SH3PXD2A: variants seen among roughly 807,000 people sequenced by gnomAD.
The protein encoded by SH3PXD2A is SH3 and PX domains 2A.
A neutral mutation model predicts 115.2 loss-of-function variants in SH3PXD2A; 32 were observed. The observed-to-expected ratio is 0.28, with a 90% CI of 0.21 to 0.37. The LOEUF (loss-of-function observed/expected upper bound fraction) is 0.37. Ranked by LOEUF, SH3PXD2A falls within the 10% of genes least tolerant of loss-of-function variation. SH3PXD2A has a pLI of 1.00. For synonymous variants in SH3PXD2A, 610 were observed against 629.1 expected (o/e 0.97, Z 0.45); for missense variants, 1,328 against 1,498.7 (o/e 0.89, Z 1.88).
At chr10:103,782,819 C>T (rs2038943593) in intron 2 of SH3PXD2A, among the ~76,000 whole-genome samples, 2 of 115,754 alleles carry the variant, frequency 1.7e-5, no homozygotes, top group Non-Finnish European at 3.3e-5. Context: ...TGGGAGACTC[C>T]ATCTCTCCAA....
intron 8 of SH3PXD2A, 39 bp downstream of exon 8, chr10:103,660,944 C>T (rs761976897): frequency 7.4e-6 from 12 of 1,610,770 alleles, no homozygotes; most frequent in Non-Finnish European, 1.0e-5. Context: ...GGGGGCCAGA[C>T]CGGAACCCCA....
At chr10:103,786,964 C>CGCTGGG (rs774812525) in intron 2 of SH3PXD2A, among the ~76,000 whole-genome samples, 2 of 152,212 alleles carry the variant, frequency 1.3e-5, no homozygotes, top group Non-Finnish European at 2.9e-5. Context: ...AGCCCTTGGC[C>CGCTGGG]GCTGGGACTG....
At chr10:103,656,229 G>T (rs535280590) in intron 8 of SH3PXD2A, among the ~76,000 whole-genome samples, 1 of 152,234 alleles carries the variant, frequency 6.6e-6, no homozygotes, top group Non-Finnish European at 1.5e-5. Flanking sequence ...CTCTGCTGAA[G>T]AGGTTGGTTA....
At chr10:103,663,293 C>G (rs536448545) in intron 7 of SH3PXD2A, among the ~76,000 whole-genome samples, 165 of 152,346 alleles carry the variant, frequency 1.1e-3, no homozygotes, top group Non-Finnish European at 1.9e-3. Flanking sequence ...CGCCCCATTT[C>G]ATGCCCACAA....
At chr10:103,851,720 G>C (rs1238557435) in intron 1 of SH3PXD2A, among the ~76,000 whole-genome samples, 10 of 152,196 alleles carry the variant, frequency 6.6e-5, no homozygotes. Context: ...CGAGTGTTAA[G>C]TATGTTTCAC....
intron 12 of SH3PXD2A, 33 bp downstream of exon 12, chr10:103,612,820 C>T: frequency 6.9e-7 from 1 of 1,454,022 alleles, no homozygotes; most frequent in South Asian, 1.4e-5. Context: ...AGGAGCTTTG[C>T]AGTGAGGACC....
At chr10:103,728,923 C>G (rs867670144) in intron 4 of SH3PXD2A, among the ~76,000 whole-genome samples, 3 of 137,024 alleles carry the variant, frequency 2.2e-5, no homozygotes, top group Non-Finnish European at 4.6e-5. Context: ...GACAAAGTCT[C>G]ACTCTGTCAC....
At chr10:103,606,177 T>TATCATCATC (rs56654395) in intron 13 of SH3PXD2A, among the ~76,000 whole-genome samples, 53 of 142,826 alleles carry the variant, frequency 3.7e-4, no homozygotes, top group African/African-American at 8.1e-4. Flanking sequence ...TTACTATTAC[T>TATCATCATC]ATCATCATCA....
intron 8 of SH3PXD2A, among the ~76,000 whole-genome samples, chr10:103,629,643 G>T (rs2036748896): frequency 6.6e-6 from 1 of 152,218 alleles, no homozygotes; most frequent in African/African-American, 2.4e-5. Context: ...ATAAACAAGA[G>T]GCGCCATTCC....
intron 8 of SH3PXD2A, among the ~76,000 whole-genome samples, chr10:103,656,167 G>A (rs893498582): frequency 1.3e-5 from 2 of 152,230 alleles, no homozygotes; most frequent in African/African-American, 2.4e-5. Context: ...TAAAATGGCT[G>A]TAGCCACCAT....
chr10:103,750,963 G>A (rs2038571006), intron 3 of SH3PXD2A, among the ~76,000 whole-genome samples: 1 of 152,186 alleles, frequency 6.6e-6, no homozygotes, highest in African/African-American at 2.4e-5. Context: ...CACGCAGAGA[G>A]GCTGGCACTG....
At chr10:103,820,786 C>G (rs985970864) in intron 1 of SH3PXD2A, among the ~76,000 whole-genome samples, 2 of 152,182 alleles carry the variant, frequency 1.3e-5, no homozygotes, top group Non-Finnish European at 1.5e-5. Flanking sequence ...CAACTGGGCT[C>G]CAGAGGGTGG....
intron 3 of SH3PXD2A, among the ~76,000 whole-genome samples, chr10:103,758,421 T>G (rs10466138): frequency 6.6e-6 from 1 of 151,948 alleles, no homozygotes; most frequent in Non-Finnish European, 1.5e-5. Context: ...CCACATGACC[T>G]GGTTATTTTT....
chr10:103,702,612 T>TGTGTGTGTGC (rs1491200444), intron 5 of SH3PXD2A, among the ~76,000 whole-genome samples: 1 of 151,474 alleles, frequency 6.6e-6, no homozygotes, highest in East Asian at 1.9e-4. Context: ...TGTGTGTGTG[T>TGTGTGTGTGC]GCATGCTGGG....
At position 103,831,998 on chromosome 10, in the gene SH3PXD2A, C is replaced by T. The variant is rs1174567414; in HGVS notation, c.72+23197G>A. Reference sequence around the variant, plus strand: ...TGCAGGATGAATCAGCACTTCATTCCATTTTTATGGCAGAATTATATTTCA... The same window carrying T: ...TGCAGGATGAATCAGCACTTCATTCTATTTTTATGGCAGAATTATATTTCA... On this transcript the variant is annotated intron_variant, in intron 1 of 14. Coordinates refer to ENST00000369774, the MANE Select transcript of SH3PXD2A (RefSeq NM_001394015.1). Among the ~76,000 whole-genome samples the T allele has an allele frequency of 1.2e-4, 19 of 152,274 alleles. 1 individual carries two copies. The East Asian group carries it at 2.1e-3, about 17-fold the overall frequency.
At chr10:103,750,825 C>T (rs1462547578) in intron 3 of SH3PXD2A, among the ~76,000 whole-genome samples, 2 of 152,154 alleles carry the variant, frequency 1.3e-5, no homozygotes, top group Non-Finnish European at 2.9e-5. Context: ...CTGTATATAG[C>T]AAAATGCGAC....
chr10:103,817,051 T>C (rs1034361878), intron 1 of SH3PXD2A, among the ~76,000 whole-genome samples: 12 of 145,054 alleles, frequency 8.3e-5, no homozygotes, highest in Admixed American at 5.7e-4. Flanking sequence ...GGTTTCACCA[T>C]GTTGGCCAGA....
intron 2 of SH3PXD2A, among the ~76,000 whole-genome samples, chr10:103,799,066 C>G (rs2039122354): frequency 6.6e-6 from 1 of 152,210 alleles, no homozygotes; most frequent in Non-Finnish European, 1.5e-5. Context: ...ATGAGAAAAG[C>G]AAGCCTAGAG....
At position 103,608,430 on chromosome 10, in the gene SH3PXD2A, G is replaced by GAAA. The variant is rs953168200; in HGVS notation, c.1309-2516_1309-2514dup. ...AAATAAAGACACCATTCCATGTCAA[G>GAAA]AAAAAAAAAAAAAAAAAAAAGAAAA... is the stretch of plus-strand genomic sequence containing the variant. On this transcript the variant is annotated intron_variant, in intron 13 of 14. Coordinates refer to ENST00000369774, the MANE Select transcript of SH3PXD2A (RefSeq NM_001394015.1). Among the ~76,000 whole-genome samples, 72 of 85,302 alleles carry GAAA rather than the reference G, an allele frequency of 8.4e-4. 1 individual carries two copies. The highest frequency in any genetic ancestry group is 1.4e-3 in the Non-Finnish European group (58 of 41,116). 56.0% of individuals were successfully genotyped at this position (85,302 alleles called of 152,430 possible).
Sources: allele counts gnomAD v4.1 joint callset (sites outside exome capture counted in the v4.1 genomes callset), GRCh38; gene constraint gnomAD v4.1.1; transcripts MANE v1.5; gene names NCBI Gene and HGNC (gene_info 2026-07-23, HGNC 2026-07-21).